The following MTREX variants were observed in gnomAD, a reference collection of about 807,000 sequenced individuals.
The protein encoded by MTREX is Mtr4 exosome RNA helicase, also known as exosome RNA helicase MTR4.
MTREX carries 76 observed loss-of-function variants against 135.4 expected under a neutral mutation model. The observed-to-expected ratio is 0.56, with a 90% CI of 0.47 to 0.68. MTREX has a LOEUF of 0.68. Ranked by LOEUF, MTREX falls within the 30% of genes least tolerant of loss-of-function variation. MTREX has a pLI of 0.00. For synonymous variants in MTREX, 404 were observed against 401.6 expected, an observed-to-expected ratio of 1.01 and a Z score of -0.07; for missense variants, 920 against 1,262.1, an observed-to-expected ratio of 0.73 and a Z score of 4.11.
chr5:55,402,170 A>G (rs532751205), intron 21 of MTREX, among the ~76,000 whole-genome samples: 1 of 152,354 alleles, frequency 6.6e-6, no homozygotes, highest in South Asian at 2.1e-4. Flanking sequence ...GCTGTAGCAT[A>G]TACACAATAC....
At chr5:55,402,761 C>T (rs1750741386) in intron 21 of MTREX, among the ~76,000 whole-genome samples, 1 of 149,880 alleles carries the variant, frequency 6.7e-6, no homozygotes, top group Non-Finnish European at 1.5e-5. Flanking sequence ...CCCTCCCCAT[C>T]ATTGTCTATA....
At position 55,415,795 on chromosome 5, in the gene MTREX, TTA is replaced by T. The variant is rs1750957451; in HGVS notation, c.2809-174_2809-173del. On this transcript the variant is annotated intron_variant, in intron 24 of 26. Transcript: ENST00000230640. Reference sequence around the variant, plus strand: ...CAACATAATGGGAAAGATTGGCCGTTTAATCACTTAGCAATGGAACAGGCACT... The same window carrying T: ...CAACATAATGGGAAAGATTGGCCGTTATCACTTAGCAATGGAACAGGCACT... 2.6e-5 allele frequency among the ~76,000 whole-genome samples: 4 copies of T among 152,320 alleles called. No individual in the cohort carries two copies. The South Asian group carries it at 6.2e-4, about 24-fold the overall frequency.
At chr5:55,349,480 C>A in intron 11 of MTREX, 93 bp from the exon 12 acceptor site, 1 of 747,984 alleles carries the variant, frequency 1.3e-6, no homozygotes, top group Non-Finnish European at 2.3e-6. Context: ...TGGGACACCA[C>A]GCCTGGCCTT....
At chr5:55,401,301 C>T (rs1281797817) in intron 21 of MTREX, among the ~76,000 whole-genome samples, 1 of 152,208 alleles carries the variant, frequency 6.6e-6, no homozygotes, top group Non-Finnish European at 1.5e-5. Flanking sequence ...TCCCAAAGTG[C>T]CGGGATTACA....
In MTREX at chr5:55,424,919, T is replaced by C; in HGVS notation, c.*147T>C. The C allele has an allele frequency of 3.1e-6, 2 of 653,420 alleles. No individual in the cohort carries two copies. The highest frequency in any genetic ancestry group is 4.1e-5 in the South Asian group (2 of 48,332). 40.5% of individuals were successfully genotyped at this position (653,420 alleles called of 1,614,324 possible). On this transcript the variant is annotated 3_prime_UTR_variant, in exon 27 of 27. Transcript: ENST00000230640. ...TCAAACATCATTCATAGAAAGCATA[T>C]TACATACATGTTTATACATAAGCAT...
At chr5:55,400,615 T>A (rs78003288) in intron 21 of MTREX, among the ~76,000 whole-genome samples, 194 bp downstream of exon 21, 111 of 152,348 alleles carry the variant, frequency 7.3e-4, no homozygotes, top group African/African-American at 2.5e-3. Context: ...TGCTATAGTT[T>A]GATATTTCAC....
chr5:55,310,951 A>G (rs534440272), intron 1 of MTREX, among the ~76,000 whole-genome samples: 1 of 151,576 alleles, frequency 6.6e-6, no homozygotes, highest in South Asian at 2.1e-4. Flanking sequence ...CTAATTTTAA[A>G]AATGTTTTGT....
At chr5:55,404,164 TAAAC>T (rs1419489352) in intron 21 of MTREX, among the ~76,000 whole-genome samples, 3 of 152,220 alleles carry the variant, frequency 2.0e-5, no homozygotes, top group Non-Finnish European at 4.4e-5. Flanking sequence ...AGAAGTTTAA[TAAAC>T]AGTCTAAAAA....
chr5:55,359,621 A>G (rs1403356931), intron 15 of MTREX, among the ~76,000 whole-genome samples: 3 of 152,198 alleles, frequency 2.0e-5, no homozygotes, highest in Non-Finnish European at 2.9e-5. Flanking sequence ...CTTATTTTCA[A>G]CTTTAGAGAT....
chr5:55,384,114 T>TC (rs959158273), intron 18 of MTREX, among the ~76,000 whole-genome samples: 1 of 152,182 alleles, frequency 6.6e-6, no homozygotes, highest in African/African-American at 2.4e-5. Context: ...TCTAAACCTC[T>TC]CCCCTGGAAC....
intron 23 of MTREX, 68 bp downstream of exon 23, chr5:55,410,697 T>C: frequency 1.2e-6 from 1 of 852,130 alleles, no homozygotes; most frequent in Non-Finnish European, 1.8e-6. Context: ...GTGTTATGGC[T>C]ATATTATCAA....
At chr5:55,347,218 A>G in intron 11 of MTREX, 74 bp downstream of exon 11, 1 of 1,396,638 alleles carries the variant, frequency 7.2e-7, no homozygotes, top group Non-Finnish European at 9.9e-7. Context: ...TAATATTTTT[A>G]TCTGTTACAT....
intron 5 of MTREX, among the ~76,000 whole-genome samples, chr5:55,330,228 A>C (rs1749451135): frequency 6.6e-6 from 1 of 151,892 alleles, no homozygotes; most frequent in African/African-American, 2.4e-5. Flanking sequence ...GGCATGTGCC[A>C]CCATGACTGG....
intron 22 of MTREX, among the ~76,000 whole-genome samples, chr5:55,406,214 ATTG>A (rs1750803119): frequency 6.6e-6 from 1 of 152,262 alleles, no homozygotes; most frequent in East Asian, 1.9e-4. Flanking sequence ...TTATCCTCTT[ATTG>A]TTTTTATGGG....
intron 11 of MTREX, among the ~76,000 whole-genome samples, chr5:55,349,248 G>A (rs772602150): frequency 7.3e-5 from 11 of 149,666 alleles, no homozygotes; most frequent in Non-Finnish European, 1.3e-4. Context: ...GTGTAGTGGT[G>A]CGATCATGGC....
intron 1 of MTREX, among the ~76,000 whole-genome samples, chr5:55,320,673 C>T (rs1461000730): frequency 6.6e-6 from 1 of 152,058 alleles, no homozygotes; most frequent in African/African-American, 2.4e-5. Context: ...GTCCTGATAA[C>T]AACATGTGTT....
chr5:55,360,759 T>C (rs958457301), intron 15 of MTREX, among the ~76,000 whole-genome samples: 2 of 152,220 alleles, frequency 1.3e-5, no homozygotes, highest in African/African-American at 2.4e-5. Context: ...AAGACTGGCA[T>C]ACAACCTTTT....
Position 55,384,720 on chromosome 5 carries a change from A to G in MTREX, c.2053-3254A>G, listed in dbSNP as rs1254187583. ...TTGATTGTAAGTCTCTGTCCTGTCT[A>G]CCTCTTACCCCCTATAGTATGTAGC... On this transcript the variant is annotated intron_variant, in intron 18 of 26. Transcript: ENST00000230640. Among the ~76,000 whole-genome samples the G allele has an allele frequency of 2.6e-5, 4 of 152,008 alleles. No homozygotes were observed. The South Asian group carries it at 8.3e-4, about 32-fold the overall frequency.
chr5:55,315,158 A>G (rs1006014883), intron 1 of MTREX, among the ~76,000 whole-genome samples: 1 of 152,214 alleles, frequency 6.6e-6, no homozygotes, highest in Non-Finnish European at 1.5e-5. Context: ...GATTTTTGTC[A>G]GTGAGATAGA....
Sources: allele counts gnomAD v4.1 joint callset (sites outside exome capture counted in the v4.1 genomes callset), GRCh38; gene constraint gnomAD v4.1.1; transcripts MANE v1.5; gene names NCBI Gene and HGNC (gene_info 2026-07-23, HGNC 2026-07-21).